Variants in PXN observed in about 807,000 individuals in gnomAD.
The protein encoded by PXN is testicular tissue protein Li 134.
Under a neutral mutation model 103.6 loss-of-function variants are expected in PXN, and 61 were observed. That is an observed-to-expected ratio of 0.59 (90% CI 0.48 to 0.73). PXN has a LOEUF of 0.73. Among genes scored for constraint, PXN ranks in the 30% least tolerant of loss-of-function variants. The pLI is 0.00. For missense variants in PXN, 1,274 were observed against 1,460.3 expected (o/e 0.87, Z 2.08); for synonymous variants, 562 against 607.8 (o/e 0.92, Z 1.11).
chr12:120,224,097 G>T lies in PXN; in HGVS notation c.240+54C>A. 1 of 1,396,452 alleles carries T rather than the reference G, an allele frequency of 7.2e-7. No homozygotes were observed. Among genetic ancestry groups the T allele is most frequent in the Non-Finnish European group, 9.7e-7 (1 of 1,032,184 alleles). The allele number at this position is 1,396,452 out of a possible 1,614,324, so 86.5% of individuals were successfully genotyped here. A position where few individuals can be genotyped will look rare whatever the true frequency, so the allele number is the denominator to read the frequency against. ...GGCTCCCTAAGCCCCTGCCAGCTAA[G>T]TTCCCTCTGTCCCCCAGCCTCCTTG... On this transcript the variant is annotated intron_variant, in intron 2 of 14. Transcript: ENST00000637617. The surrounding 1 kb of genome is among the most constrained non-coding windows in gnomAD (Gnocchi z 5.0).
At chr12:120,245,381 C>T (rs183847360) in intron 1 of PXN, among the ~76,000 whole-genome samples, 1 of 150,422 alleles carries the variant, frequency 6.6e-6, no homozygotes, top group Admixed American at 6.6e-5. Flanking sequence ...GGAAACTAGC[C>T]AGGGAGGAAG....
At position 120,219,859 on chromosome 12, in the gene PXN, C is replaced by G; in HGVS notation, c.1064G>C (p.Gly355Ala). 6.3e-7 allele frequency: 1 copy of G among 1,598,422 alleles called. No homozygotes were observed. The highest frequency in any genetic ancestry group is 8.5e-7 in the Non-Finnish European group (1 of 1,179,796). ...TGAGTTGAAGGTGTCAGGCATCACC[C>G]CAAGACCAGCCAAATCAAGCCAGCT... ...APSWLDLAGL[G>A]VMPDTFNSRS... Residue 355 changes from glycine to alanine, a missense_variant, in exon 7 of 15, where the codon GGG becomes GCG. Physicochemically the swap from Gly to Ala is moderately conservative, Grantham distance 60 (BLOSUM62 0). Around this residue, in one of 2 missense-constraint regions of PXN, gnomAD observed 1,178 missense variants for 1,309.0 expected, o/e 0.90. Coordinates refer to ENST00000637617, the MANE Select transcript of PXN (RefSeq NM_001385981.1). This position sits in a 1 kb window ranked among gnomAD's most constrained non-coding sequence, Gnocchi z 6.5.
Position 120,215,132 on chromosome 12 carries a change from C to G in PXN, c.2545G>C (p.Gly849Arg), listed in dbSNP as rs763910021. The G allele has an allele frequency of 2.5e-6, 4 of 1,574,278 alleles. No individual in the cohort carries two copies. The highest frequency in any genetic ancestry group is 3.5e-5 in the Admixed American group (2 of 57,114). Residue 849 changes from glycine to arginine, a missense_variant, in exon 11 of 15, where the codon GGG becomes CGG. This residue lies in a region of PXN where 1,178 missense variants were observed against 1,309.0 expected (regional missense o/e 0.90). Coordinates refer to ENST00000637617, the MANE Select transcript of PXN (RefSeq NM_001385981.1). This position sits in a 1 kb window ranked among gnomAD's most constrained non-coding sequence, Gnocchi z 4.9. ...CCGGCGATGGGCTTCTTGCAGGCCC[C>G]GCAGACTCCTTTGGCGACTGTGGCG... ...GVATVAKGVCGACKKPIAGQV... is the reference protein window; with the variant it reads ...GVATVAKGVCRACKKPIAGQV...
intron 1 of PXN, chr12:120,249,801 C>G: frequency 1.1e-6 from 1 of 951,208 alleles, no homozygotes. Context: ...TTGGAAAGTT[C>G]AGGACACAGC....
At chr12:120,244,077 G>A (rs1172656409) in intron 1 of PXN, among the ~76,000 whole-genome samples, 2 of 151,218 alleles carry the variant, frequency 1.3e-5, no homozygotes, top group African/African-American at 4.9e-5. Context: ...AGAGCTCACT[G>A]TATGCAAAGC....
intron 1 of PXN, among the ~76,000 whole-genome samples, chr12:120,260,605 T>C (rs1305006566): frequency 1.3e-5 from 2 of 151,502 alleles, no homozygotes; most frequent in East Asian, 1.9e-4. Flanking sequence ...AAAATGTTAG[T>C]GTCCTAGAAA....
chr12:120,254,420 G>A (rs562125835), intron 1 of PXN, among the ~76,000 whole-genome samples: 2 of 152,234 alleles, frequency 1.3e-5, no homozygotes, highest in African/African-American at 4.8e-5. Context: ...TTGGCACACA[G>A]GAAAGTAGCT....
intron 1 of PXN, among the ~76,000 whole-genome samples, chr12:120,232,168 C>T (rs1362162526): frequency 1.3e-5 from 2 of 152,186 alleles, no homozygotes; most frequent in African/African-American, 4.8e-5. Context: ...ACTAAAAGCA[C>T]ATGCCACCAC....
At chr12:120,239,738 G>A (rs973581917) in intron 1 of PXN, among the ~76,000 whole-genome samples, 20 of 152,158 alleles carry the variant, frequency 1.3e-4, no homozygotes, top group South Asian at 4.1e-4. Flanking sequence ...GTGACAGAGC[G>A]AGACTCTGTC....
Position 120,215,019 on chromosome 12 carries a change from G to A in PXN, c.2575-21C>T, listed in dbSNP as rs765444017. On this transcript the variant is annotated intron_variant, in intron 11 of 14. Transcript: ENST00000637617. The surrounding 1 kb of genome is among the most constrained non-coding windows in gnomAD (Gnocchi z 4.9). Reference sequence around the variant, plus strand: ...ACAACCTGAGGAGGAGATGGAATGCGGTCCAGGGCCAAGGCCAGCCCCGGA... The same window carrying A: ...ACAACCTGAGGAGGAGATGGAATGCAGTCCAGGGCCAAGGCCAGCCCCGGA... 7 of 1,610,226 alleles carry A rather than the reference G, an allele frequency of 4.3e-6. No homozygotes were observed. Among genetic ancestry groups the A allele is most frequent in the Middle Eastern group, 1.6e-4 (1 of 6,076 alleles).
chr12:120,212,757 T>A lies in PXN; in HGVS notation c.2980-177A>T. The A allele has an allele frequency of 3.0e-6, 2 of 677,844 alleles. No homozygotes were observed. Among genetic ancestry groups the A allele is most frequent in the Non-Finnish European group, 4.5e-6 (2 of 443,628 alleles). 42.0% of individuals were successfully genotyped at this position (677,844 alleles called of 1,614,324 possible). On this transcript the variant is annotated intron_variant, in intron 14 of 14. Coordinates refer to ENST00000637617, the MANE Select transcript of PXN (RefSeq NM_001385981.1). This position sits in a 1 kb window ranked among gnomAD's most constrained non-coding sequence, Gnocchi z 7.2. Reference sequence around the variant, plus strand: ...TTTCATTTTTATTTTATTAAATAAATTTTTTTTGTAGAGATGGGGGTCTCA... The same window carrying A: ...TTTCATTTTTATTTTATTAAATAAAATTTTTTTGTAGAGATGGGGGTCTCA...
At chr12:120,244,115 C>T (rs1320436316) in intron 1 of PXN, among the ~76,000 whole-genome samples, 4 of 150,438 alleles carry the variant, frequency 2.7e-5, no homozygotes. Context: ...CACAGGAGCA[C>T]AGGGCCCAAG....
rs574603958 is a variant in PXN at position 120,220,159 on chromosome 12, T to C, written c.832-68A>G. Reference sequence around the variant, plus strand: ...TGAGGGGAGTGAGGACGGCTGCACCTTGCAGGCGGTGGGCTCGGCCTTAGG... The same window carrying C: ...TGAGGGGAGTGAGGACGGCTGCACCCTGCAGGCGGTGGGCTCGGCCTTAGG... On this transcript the variant is annotated intron_variant, in intron 6 of 14. Transcript: ENST00000637617. The surrounding 1 kb of genome is among the most constrained non-coding windows in gnomAD (Gnocchi z 6.1). The C allele has an allele frequency of 2.9e-5, 19 of 654,956 alleles. No homozygotes were observed. The African/African-American group carries it at 2.9e-4, about 10-fold the overall frequency. 40.6% of individuals were successfully genotyped at this position (654,956 alleles called of 1,614,324 possible).
chr12:120,230,711 G>A (rs952512559), intron 1 of PXN, among the ~76,000 whole-genome samples: 4 of 151,322 alleles, frequency 2.6e-5, no homozygotes, highest in Admixed American at 6.6e-5. Context: ...AATCCGCAGC[G>A]GGGTGCTTTC....
At position 120,219,915 on chromosome 12, in the gene PXN, A is replaced by T; in HGVS notation, c.1008T>A (p.Ser336Arg). 6.3e-7 allele frequency: 1 copy of T among 1,597,918 alleles called. No homozygotes were observed. The highest frequency in any genetic ancestry group is 1.1e-5 in the South Asian group (1 of 91,062). ...CTACAGGAGGTAGAAGGCCTCGTCC[A>T]CTCTGCTCAGTACAAGGGAACTCCG... Reference protein sequence around the residue: ...HTPEFPCTEQSGRGLLPPVAP... With the variant: ...HTPEFPCTEQRGRGLLPPVAP... The change falls in exon 7 of 15, where the codon AGT becomes AGA. Residue 336 changes from serine (S) to arginine (R), a missense_variant. Around this residue, in one of 2 missense-constraint regions of PXN, gnomAD observed 1,178 missense variants for 1,309.0 expected, o/e 0.90. Coordinates refer to ENST00000637617, the MANE Select transcript of PXN (RefSeq NM_001385981.1). The surrounding 1 kb of genome is among the most constrained non-coding windows in gnomAD (Gnocchi z 6.5).
In PXN at chr12:120,229,056, C is replaced by T. The variant is rs1022696321; in HGVS notation, c.14-4679G>A. 1.3e-5 allele frequency among the ~76,000 whole-genome samples: 2 copies of T among 152,160 alleles called. No homozygotes were observed. Among genetic ancestry groups the T allele is most frequent in the African/African-American group, 4.8e-5 (2 of 41,428 alleles). On this transcript the variant is annotated intron_variant, in intron 1 of 14. Transcript: ENST00000637617. This position sits in a 1 kb window ranked among gnomAD's most constrained non-coding sequence, Gnocchi z 4.0. The stretch of plus-strand genomic sequence containing the variant: ...TGCTCCGAGGAGGAGGGGACCGGTT[C>T]GCCTGCATTCCAGGGCAAGTGCTGC...
chr12:120,223,181 C>T (rs1247018429), intron 3 of PXN, among the ~76,000 whole-genome samples, 182 bp from the exon 4 acceptor site: 1 of 152,040 alleles, frequency 6.6e-6, no homozygotes, highest in Admixed American at 6.6e-5. Flanking sequence ...CAGTGGCTCA[C>T]GCCTGTAATC....
chr12:120,248,541 C>CACACACACA (rs58048621), intron 1 of PXN, among the ~76,000 whole-genome samples: 1 of 142,566 alleles, frequency 7.0e-6, no homozygotes, highest in African/African-American at 2.6e-5. Context: ...CACACACACA[C>CACACACACA]CAGACTGTCC....
At position 120,265,297 on chromosome 12, in the gene PXN, C is replaced by T. The variant is rs965568382; in HGVS notation, c.13+320G>A. Among the ~76,000 whole-genome samples the T allele has an allele frequency of 6.6e-6, 1 of 151,698 alleles. No homozygotes were observed. Among genetic ancestry groups the T allele is most frequent in the Non-Finnish European group, 1.5e-5 (1 of 67,894 alleles). ...CAGGAAGTCTCGTCCCTGCAGCGGA[C>T]GGGGTGGGTCCCTGAGGGGCGGGCT... On this transcript the variant is annotated intron_variant, in intron 1 of 14. Transcript: ENST00000637617. The surrounding 1 kb of genome is among the most constrained non-coding windows in gnomAD (Gnocchi z 5.7).
Sources: allele counts gnomAD v4.1 joint callset (sites outside exome capture counted in the v4.1 genomes callset), GRCh38; gene constraint gnomAD v4.1.1; regional missense constraint gnomAD v4.1.1; non-coding constraint Gnocchi (gnomAD v3.1); transcripts MANE v1.5; gene names NCBI Gene and HGNC (gene_info 2026-07-23, HGNC 2026-07-21).